BCL11A: variants seen among roughly 807,000 people sequenced by gnomAD.
The protein encoded by BCL11A is B cell CLL/lymphoma 11A.
BCL11A carries 2 observed loss-of-function variants against 55.9 expected under a neutral mutation model. The ratio of observed to expected loss-of-function variants is 0.04; its 90% CI spans 0.01 to 0.11. The LOEUF (loss-of-function observed/expected upper bound fraction) is 0.11. Ranked by LOEUF, BCL11A falls within the 10% of genes least tolerant of loss-of-function variation. The pLI is 1.00. For missense variants in BCL11A, 817 were observed against 1,137.1 expected (o/e 0.72, Z 4.05); for synonymous variants, 465 against 473.4 (o/e 0.98, Z 0.23).
intron 2 of BCL11A, among the ~76,000 whole-genome samples, chr2:60,501,344 G>C (rs1679265812): frequency 6.6e-6 from 1 of 152,092 alleles, no homozygotes; most frequent in African/African-American, 2.4e-5. Flanking sequence ...AAGAGCACAG[G>C]TAAGTGTCAC....
At chr2:60,490,400 T>A (rs1572998890) in intron 2 of BCL11A, among the ~76,000 whole-genome samples, 1 of 152,308 alleles carries the variant, frequency 6.6e-6, no homozygotes, top group Non-Finnish European at 1.5e-5. Flanking sequence ...CCAACTCCAA[T>A]TTTCTATTCC....
chr2:60,500,147 G>C (rs1679199604), intron 2 of BCL11A, among the ~76,000 whole-genome samples: 1 of 152,256 alleles, frequency 6.6e-6, no homozygotes, highest in Non-Finnish European at 1.5e-5. Flanking sequence ...GGGCACTGAG[G>C]GCTAGGGTGC....
intron 2 of BCL11A, among the ~76,000 whole-genome samples, chr2:60,506,796 G>A (rs961660449): frequency 5.3e-5 from 8 of 152,116 alleles, no homozygotes. Flanking sequence ...TTATACATGG[G>A]TACTTATAAA....
At chr2:60,548,914 T>C (rs1218012687) in intron 1 of BCL11A, among the ~76,000 whole-genome samples, 1 of 152,224 alleles carries the variant, frequency 6.6e-6, no homozygotes, top group African/African-American at 2.4e-5. Context: ...CATCTGATAA[T>C]TTCTCTGCAT....
chr2:60,471,815 C>T (rs1331752498), intron 2 of BCL11A, among the ~76,000 whole-genome samples: 1 of 152,198 alleles, frequency 6.6e-6, no homozygotes, highest in Non-Finnish European at 1.5e-5. Context: ...TCAGCATCAC[C>T]TGGGAGTTTG....
At chr2:60,537,249 T>C (rs1205375991) in intron 2 of BCL11A, 3 of 152,228 alleles carry the variant, frequency 2.0e-5, no homozygotes, top group African/African-American at 7.2e-5. Context: ...TAAATCATTC[T>C]TCAGTAGCCA....
chr2:60,501,778 T>C (rs1313537282), intron 2 of BCL11A, among the ~76,000 whole-genome samples: 1 of 152,114 alleles, frequency 6.6e-6, no homozygotes, highest in Non-Finnish European at 1.5e-5. Flanking sequence ...AGTGCTGGAA[T>C]TACAGACGTG....
rs955464351 is a variant in BCL11A, at chr2:60,460,963, G to C, written c.1949C>G (p.Pro650Arg). Reference sequence around the variant, plus strand: ...CTGCGAGTACACGTTCTCCGTGTTGGGCATCGCGGCCGGGGGCAGGTCGAA... The same window carrying C: ...CTGCGAGTACACGTTCTCCGTGTTGCGCATCGCGGCCGGGGGCAGGTCGAA... ...KEFDLPPAAM[P>R]NTENVYSQWL... Residue 650 changes from proline to arginine, a missense_variant, in exon 4 of 4, where the codon CCC becomes CGC. Coordinates refer to ENST00000642384, the MANE Select transcript of BCL11A (RefSeq NM_022893.4). The C allele has an allele frequency of 6.2e-7, 1 of 1,611,368 alleles. No individual in the cohort carries two copies. The highest frequency in any genetic ancestry group is 1.3e-5 in the African/African-American group (1 of 74,922).
chr2:60,476,935 C>T (rs1362665254), intron 2 of BCL11A, among the ~76,000 whole-genome samples: 2 of 152,186 alleles, frequency 1.3e-5, no homozygotes, highest in South Asian at 2.1e-4. Flanking sequence ...TGGGGCTCAA[C>T]TGCAATCCAT....
intron 2 of BCL11A, among the ~76,000 whole-genome samples, chr2:60,482,120 C>A (rs546903348): frequency 6.6e-6 from 1 of 152,172 alleles, no homozygotes; most frequent in East Asian, 1.9e-4. Context: ...GTGGTTTGAG[C>A]CACTTAGGAC....
In BCL11A at chr2:60,526,861, A is replaced by G. The variant is rs1310567317; in HGVS notation, c.385+19110T>C. ...TCCCTGCGCTAATCTCTGCCCAGCCAACGCATTCTTAAGCGGGGAACTACT... is the reference window on the plus strand; with the variant it reads ...TCCCTGCGCTAATCTCTGCCCAGCCGACGCATTCTTAAGCGGGGAACTACT... On this transcript the variant is annotated intron_variant, in intron 2 of 3. Coordinates refer to ENST00000642384, the MANE Select transcript of BCL11A (RefSeq NM_022893.4). The G allele has an allele frequency of 8.5e-5, 13 of 152,254 alleles. No homozygotes were observed. In the South Asian group the frequency reaches 1.4e-3, roughly 17 times the overall value. The allele number at this position is 152,254 out of a possible 1,614,324, so 9.4% of individuals were successfully genotyped here.
At chr2:60,550,980 GAGA>G in intron 1 of BCL11A, 1 of 225,218 alleles carries the variant, frequency 4.4e-6, no homozygotes, top group Admixed American at 5.9e-5. Flanking sequence ...AGGGGGTGGG[GAGA>G]GGGAGGGCCG....
chr2:60,529,406 A>G (rs1385617525), intron 2 of BCL11A, among the ~76,000 whole-genome samples: 2 of 152,230 alleles, frequency 1.3e-5, no homozygotes, highest in African/African-American at 4.8e-5. Context: ...AAGGTTGCAC[A>G]ACTAGAAATG....
chr2:60,456,252 G>A (rs561064071), downstream of BCL11A, among the ~76,000 whole-genome samples: 9 of 152,252 alleles, frequency 5.9e-5, no homozygotes, highest in South Asian at 4.2e-4. Context: ...GAACAATGTC[G>A]TATTCATTCA....
chr2:60,511,271 G>A (rs1376749538), intron 2 of BCL11A, among the ~76,000 whole-genome samples: 1 of 152,248 alleles, frequency 6.6e-6, no homozygotes, highest in Non-Finnish European at 1.5e-5. Flanking sequence ...AGCCCGGGAT[G>A]CAGCCAGAAA....
chr2:60,537,184 ACAAAAACAT>A (rs1669706388), intron 2 of BCL11A: 4 of 152,106 alleles, frequency 2.6e-5, no homozygotes, highest in African/African-American at 9.7e-5. Context: ...CCTTAACATA[ACAAAAACAT>A]AACATGAGAA....
At chr2:60,468,274 CACATGTAAAT>C (rs1320031331) in intron 3 of BCL11A, among the ~76,000 whole-genome samples, 1 of 152,124 alleles carries the variant, frequency 6.6e-6, no homozygotes, top group Non-Finnish European at 1.5e-5. Flanking sequence ...TGTTCAAATA[CACATGTAAAT>C]ACATAAGGAA....
At chr2:60,539,487 G>C (rs896039609) in intron 2 of BCL11A, among the ~76,000 whole-genome samples, 1 of 152,158 alleles carries the variant, frequency 6.6e-6, no homozygotes, top group Non-Finnish European at 1.5e-5. Flanking sequence ...TTGCTGAAAT[G>C]TTTTAAAAAT....
intron 2 of BCL11A, chr2:60,544,277 G>A (rs749628045): frequency 5.9e-5 from 9 of 152,332 alleles, no homozygotes; most frequent in East Asian, 1.9e-4. Context: ...TTGGATCTCC[G>A]AAGACGACAA....
Sources: allele counts gnomAD v4.1 joint callset (sites outside exome capture counted in the v4.1 genomes callset), GRCh38; gene constraint gnomAD v4.1.1; transcripts MANE v1.5; gene names NCBI Gene and HGNC (gene_info 2026-07-23, HGNC 2026-07-21).